COL25A1: variants seen among roughly 807,000 people sequenced by gnomAD.
COL25A1 encodes collagen alpha-1(XXV) chain.
In COL25A1, 103 loss-of-function variants were observed where a neutral mutation model predicts 128.4. The observed-to-expected ratio is 0.80, with a 90% CI of 0.68 to 0.94. COL25A1 has a LOEUF of 0.94. Ranked by LOEUF, COL25A1 falls within the 40% of genes least tolerant of loss-of-function variation. COL25A1 has a pLI of 0.00. For synonymous variants in COL25A1, 279 were observed against 277.2 expected (o/e 1.01, Z -0.06); for missense variants, 745 against 840.0 (o/e 0.89, Z 1.40).
At chr4:108,989,281 A>G (rs1375139520) in intron 6 of COL25A1, among the ~76,000 whole-genome samples, 1 of 152,254 alleles carries the variant, frequency 6.6e-6, no homozygotes, top group African/African-American at 2.4e-5. Flanking sequence ...TGTGCAGTGC[A>G]CAGTGTGCAC....
chr4:109,243,473 A>G (rs996241387), intron 3 of COL25A1, among the ~76,000 whole-genome samples: 5 of 152,006 alleles, frequency 3.3e-5, no homozygotes, highest in Admixed American at 3.3e-4. Context: ...GAGGGTTCAA[A>G]TTTAACTCAA....
At chr4:109,109,878 TCA>T (rs1766834672) in intron 3 of COL25A1, among the ~76,000 whole-genome samples, 1 of 152,208 alleles carries the variant, frequency 6.6e-6, no homozygotes, top group African/African-American at 2.4e-5. Flanking sequence ...ACTCGTACCC[TCA>T]CAGAGAAGAC....
intron 32 of COL25A1, among the ~76,000 whole-genome samples, chr4:108,831,884 TA>T (rs1419231905): frequency 6.6e-6 from 1 of 152,144 alleles, no homozygotes; most frequent in Non-Finnish European, 1.5e-5. Flanking sequence ...TCCTTATGGT[TA>T]AAGAAAAACA....
intron 3 of COL25A1, among the ~76,000 whole-genome samples, chr4:109,163,609 C>A (rs1250040856): frequency 6.6e-6 from 1 of 152,160 alleles, no homozygotes; most frequent in Non-Finnish European, 1.5e-5. Flanking sequence ...GCCTAAACAG[C>A]ATGAATGGCT....
At chr4:109,091,162 T>C (rs1461650511) in intron 3 of COL25A1, among the ~76,000 whole-genome samples, 1 of 152,202 alleles carries the variant, frequency 6.6e-6, no homozygotes, top group East Asian at 1.9e-4. Flanking sequence ...AAGCCTTCAA[T>C]ACTCTGACTA....
At chr4:109,211,246 GAAACAATATATATGTATATATATGAAAC>G (rs1340378522) in intron 3 of COL25A1, among the ~76,000 whole-genome samples, 974 of 60,362 alleles carry the variant, frequency 0.016, 11 homozygotes, top group Middle Eastern at 0.034. Context: ...GTATATATAT[GAAACAATATATATGTATATATATGAAAC>G]TATATATATA....
chr4:108,842,036 T>C (rs1040027619), intron 30 of COL25A1, among the ~76,000 whole-genome samples: 13 of 152,086 alleles, frequency 8.5e-5, no homozygotes, highest in African/African-American at 3.1e-4. Context: ...CATTACAAAG[T>C]CTGAGTGGAA....
At chr4:109,215,059 G>A (rs1777878759) in intron 3 of COL25A1, among the ~76,000 whole-genome samples, 1 of 152,052 alleles carries the variant, frequency 6.6e-6, no homozygotes. Flanking sequence ...TCTTATTTCT[G>A]TACACTAAGG....
chr4:108,952,067 G>A (rs1197461630), intron 8 of COL25A1, among the ~76,000 whole-genome samples: 1 of 152,044 alleles, frequency 6.6e-6, no homozygotes, highest in Non-Finnish European at 1.5e-5. Flanking sequence ...ATGAATGTGG[G>A]TTTGAACAAT....
chr4:109,128,421 C>T (rs968864541), intron 3 of COL25A1, among the ~76,000 whole-genome samples: 1 of 152,186 alleles, frequency 6.6e-6, no homozygotes, highest in Admixed American at 6.5e-5. Flanking sequence ...ATCAGAAAAT[C>T]TTTCAATCCA....
At chr4:108,854,043 G>A (rs1299238238) in intron 24 of COL25A1, 2 of 152,066 alleles carry the variant, frequency 1.3e-5, no homozygotes, top group Non-Finnish European at 2.9e-5. Context: ...GAACAGAACA[G>A]AGGCCTCAGA....
chr4:109,113,180 G>A (rs143812611), intron 3 of COL25A1, among the ~76,000 whole-genome samples: 4 of 152,066 alleles, frequency 2.6e-5, no homozygotes, highest in Admixed American at 2.0e-4. Context: ...GATCTCTTTG[G>A]GAAAAAAATG....
At chr4:109,152,716 C>T (rs1771620788) in intron 3 of COL25A1, among the ~76,000 whole-genome samples, 1 of 152,144 alleles carries the variant, frequency 6.6e-6, no homozygotes, top group Admixed American at 6.5e-5. Context: ...ACACATACTA[C>T]AACACAGATG....
intron 3 of COL25A1, among the ~76,000 whole-genome samples, chr4:109,057,284 T>C (rs1197222086): frequency 1.3e-5 from 2 of 152,084 alleles, no homozygotes; most frequent in East Asian, 3.9e-4. Flanking sequence ...TATTTACTTA[T>C]TGGGACAGAG....
intron 13 of COL25A1, among the ~76,000 whole-genome samples, chr4:108,906,981 A>T (rs1356864771): frequency 6.6e-6 from 1 of 152,226 alleles, no homozygotes; most frequent in Non-Finnish European, 1.5e-5. Flanking sequence ...GGAAAATAAT[A>T]TAACTGTCAT....
chr4:109,119,973 G>A (rs562678395), intron 3 of COL25A1, among the ~76,000 whole-genome samples: 22 of 152,102 alleles, frequency 1.4e-4, no homozygotes, highest in Non-Finnish European at 2.6e-4. Flanking sequence ...TGCAAGGCTG[G>A]CTCCATATTT....
chr4:109,140,630 C>G (rs1242727826), intron 3 of COL25A1, among the ~76,000 whole-genome samples: 1 of 152,064 alleles, frequency 6.6e-6, no homozygotes, highest in Admixed American at 6.5e-5. Flanking sequence ...TTGTAGTTCT[C>G]CTTGAAGAGG....
At chr4:108,856,823 C>T (rs1471157836) in intron 24 of COL25A1, among the ~76,000 whole-genome samples, 1 of 152,020 alleles carries the variant, frequency 6.6e-6, no homozygotes, top group Non-Finnish European at 1.5e-5. Context: ...AAGTACAATG[C>T]TTTTAGGCAT....
At position 108,859,738 on chromosome 4, in the gene COL25A1, G is replaced by A. The variant is rs756608038; in HGVS notation, c.1243-5C>T. The stretch of plus-strand genomic sequence containing the variant: ...CCCTTTTTGACCAGGTGGACCCTAT[G>A]ACAAAACCAATCAAGGGAAAATCAT... On this transcript the variant is annotated splice_region_variant and splice_polypyrimidine_tract_variant and intron_variant, in intron 23 of 37. Coordinates refer to ENST00000399132, the MANE Select transcript of COL25A1 (RefSeq NM_198721.4). 5.6e-6 allele frequency: 9 copies of A among 1,613,038 alleles called. No homozygotes were observed. Among genetic ancestry groups the A allele is most frequent in the African/African-American group, 1.3e-5 (1 of 74,992 alleles).
Sources: allele counts gnomAD v4.1 joint callset (sites outside exome capture counted in the v4.1 genomes callset), GRCh38; gene constraint gnomAD v4.1.1; transcripts MANE v1.5; gene names NCBI Gene and HGNC (gene_info 2026-07-23, HGNC 2026-07-21).